Variants in FMO4 observed in about 807,000 individuals in gnomAD.
The protein encoded by FMO4 is dimethylaniline monooxygenase [N-oxide-forming] 4.
Under a neutral mutation model 43.3 loss-of-function variants are expected in FMO4, and 38 were observed. The ratio of observed to expected loss-of-function variants is 0.88; its 90% CI spans 0.68 to 1.15. The LOEUF (loss-of-function observed/expected upper bound fraction) is 1.15, where lower values mean the gene tolerates loss of function less well. Ranked by LOEUF, FMO4 falls within the 50% of genes most tolerant of loss-of-function variation. The pLI, the probability that FMO4 is intolerant of heterozygous loss-of-function variation, is 0.00. For synonymous variants in FMO4, 224 were observed against 232.2 expected (o/e 0.96, Z 0.32); for missense variants, 631 against 663.3 (o/e 0.95, Z 0.54).
In FMO4 at chr1:171,334,689, G is replaced by A. The variant is rs747190267; in HGVS notation, c.1106G>A (p.Gly369Asp). Residue 369 changes from glycine (G) to aspartate (D), a missense_variant, in exon 8 of 10, where the codon GGC becomes GAC. Coordinates refer to ENST00000367749, the MANE Select transcript of FMO4 (RefSeq NM_002022.3). ...NLERATLAII[G>D]LIGLKGSILS... ...GAGAGAGCGACATTAGCCATCATCG[G>A]CCTTATCGGCCTTAAAGGATCCATC... 2.5e-6 allele frequency: 4 copies of A among 1,612,554 alleles called. No homozygotes were observed. The East Asian group carries it at 8.9e-5, about 36-fold the overall frequency.
intron 2 of FMO4, 53 bp from the exon 3 acceptor site, chr1:171,319,765 C>G: frequency 6.4e-7 from 1 of 1,553,454 alleles, no homozygotes; most frequent in South Asian, 1.1e-5. Flanking sequence ...TTGACAAGGG[C>G]TCCCTTCCAA....
intron 9 of FMO4, among the ~76,000 whole-genome samples, chr1:171,340,233 G>A (rs1243535321): frequency 6.6e-6 from 1 of 152,168 alleles, no homozygotes; most frequent in Non-Finnish European, 1.5e-5. Flanking sequence ...AGGGCAAGTG[G>A]ATGGGAATTT....
intron 6 of FMO4, among the ~76,000 whole-genome samples, chr1:171,331,983 C>T (rs2101897869): frequency 6.6e-6 from 1 of 152,046 alleles, no homozygotes; most frequent in Admixed American, 6.5e-5. Flanking sequence ...CTTTACAGAA[C>T]TGAACTATCT....
chr1:171,320,700 A>T (rs1478951966), intron 3 of FMO4, among the ~76,000 whole-genome samples: 3 of 152,056 alleles, frequency 2.0e-5, no homozygotes, highest in African/African-American at 7.2e-5. Context: ...ATAAGGAGGT[A>T]TCAGAAGGTT....
At chr1:171,330,451 T>A (rs895720653) in intron 5 of FMO4, among the ~76,000 whole-genome samples, 1 of 152,190 alleles carries the variant, frequency 6.6e-6, no homozygotes, top group African/African-American at 2.4e-5. Flanking sequence ...CACCCAAGAC[T>A]GGGTAATTCA....
At chr1:171,338,968 A>G (rs997965126) in intron 9 of FMO4, among the ~76,000 whole-genome samples, 2 of 152,224 alleles carry the variant, frequency 1.3e-5, no homozygotes, top group Non-Finnish European at 2.9e-5. Context: ...GGACATCATG[A>G]AAGTTTACTG....
chr1:171,337,022 AATTAT>A (rs1194200422), intron 8 of FMO4, among the ~76,000 whole-genome samples: 1 of 151,836 alleles, frequency 6.6e-6, no homozygotes, highest in Non-Finnish European at 1.5e-5. Flanking sequence ...ATATAATATA[AATTAT>A]ATTATTTATA....
At chr1:171,321,571 G>T (rs922433524) in intron 3 of FMO4, among the ~76,000 whole-genome samples, 1 of 152,070 alleles carries the variant, frequency 6.6e-6, no homozygotes, top group Non-Finnish European at 1.5e-5. Flanking sequence ...ATATGTACAC[G>T]TTCAATACAT....
In FMO4 at chr1:171,319,886, T is replaced by C. The variant is rs60906481; in HGVS notation, c.61T>C (p.Cys21Arg). ...GVSGLSSIKCCVDEDLEPTCF... is the reference protein window; with the variant it reads ...GVSGLSSIKCRVDEDLEPTCF... ...GAGTGGCCTCTCCTCCATCAAATGCTGTGTGGATGAGGACCTGGAGCCCAC... is the reference window on the plus strand; with the variant it reads ...GAGTGGCCTCTCCTCCATCAAATGCCGTGTGGATGAGGACCTGGAGCCCAC... Residue 21 changes from cysteine to arginine, a missense_variant, in exon 3 of 10, where the codon TGT becomes CGT. Physicochemically the swap from Cys to Arg is radical, Grantham distance 180 (BLOSUM62 -3). Coordinates refer to ENST00000367749, the MANE Select transcript of FMO4 (RefSeq NM_002022.3). The C allele has an allele frequency of 1.3e-5, 21 of 1,613,714 alleles. No individual in the cohort carries two copies. Among genetic ancestry groups the C allele is most frequent in the Non-Finnish European group, 1.6e-5 (19 of 1,179,776 alleles).
chr1:171,326,495 A>G (rs1322647524), intron 5 of FMO4, among the ~76,000 whole-genome samples: 1 of 152,224 alleles, frequency 6.6e-6, no homozygotes, highest in African/African-American at 2.4e-5. Context: ...AACATTTCCA[A>G]GTTGCTTTGG....
At chr1:171,325,166 T>C (rs1202918501) in intron 5 of FMO4, among the ~76,000 whole-genome samples, 19 of 152,178 alleles carry the variant, frequency 1.2e-4, no homozygotes, top group Admixed American at 1.2e-3. Flanking sequence ...GGGCTATCCA[T>C]AGAAAGGAGT....
chr1:171,332,420 T>G (rs902068340), intron 6 of FMO4, among the ~76,000 whole-genome samples: 2 of 152,194 alleles, frequency 1.3e-5, no homozygotes, highest in Non-Finnish European at 2.9e-5. Context: ...TTTGCTTACA[T>G]GTAAAAAATT....
chr1:171,324,074 C>T, intron 4 of FMO4, 64 bp from the exon 5 acceptor site: 1 of 1,432,708 alleles, frequency 7.0e-7, no homozygotes, highest in Non-Finnish European at 9.4e-7. Context: ...ATGGTTACCA[C>T]ACCAGTCATT....
chr1:171,338,161 C>A (rs999005664), intron 9 of FMO4, among the ~76,000 whole-genome samples: 1 of 151,954 alleles, frequency 6.6e-6, no homozygotes, highest in Non-Finnish European at 1.5e-5. Flanking sequence ...CTTTTTTTCT[C>A]ACATCCCATA....
chr1:171,318,151 A>G (rs1662268976), intron 2 of FMO4, among the ~76,000 whole-genome samples: 2 of 151,974 alleles, frequency 1.3e-5, no homozygotes, highest in African/African-American at 4.8e-5. Flanking sequence ...CCCCATGTCT[A>G]CTAAAAAATA....
At chr1:171,318,388 C>A (rs1439517908) in intron 2 of FMO4, among the ~76,000 whole-genome samples, 1 of 151,882 alleles carries the variant, frequency 6.6e-6, no homozygotes, top group Non-Finnish European at 1.5e-5. Context: ...TGGTGGCTCA[C>A]TCCTGTAATA....
chr1:171,339,571 CCA>C (rs1280862236), intron 9 of FMO4, among the ~76,000 whole-genome samples: 1 of 152,094 alleles, frequency 6.6e-6, no homozygotes, highest in Non-Finnish European at 1.5e-5. Context: ...TCAGAGGGCA[CCA>C]CCAAAAACTT....
chr1:171,341,486 G>A lies in FMO4; in HGVS notation c.1324G>A (p.Gly442Ser), dbSNP rs1663369075. The change falls in exon 10 of 10, where the codon GGC becomes AGC. Residue 442 changes from glycine (G) to serine (S), a missense_variant. Gly to Ser is a moderately conservative substitution (Grantham distance 56). Coordinates refer to ENST00000367749, the MANE Select transcript of FMO4 (RefSeq NM_002022.3). ...CATGGATGATATCGCTGCCTGCATA[G>A]GCACAAAGCCCAGCATCCCACTTCT... is the stretch of plus-strand genomic sequence containing the variant. ...AYMDDIAACIGTKPSIPLLFL... is the reference protein window; with the variant it reads ...AYMDDIAACISTKPSIPLLFL... The A allele has an allele frequency of 3.7e-6, 6 of 1,613,964 alleles. No homozygotes were observed. Among genetic ancestry groups the A allele is most frequent in the Non-Finnish European group, 5.1e-6 (6 of 1,179,938 alleles).
chr1:171,332,842 G>A lies in FMO4; in HGVS notation c.761G>A (p.Trp254Ter). The change falls in exon 7 of 10, where the codon TGG becomes TAG. Residue 254 changes from tryptophan to a stop codon, truncating the protein, a stop_gained. Coordinates refer to ENST00000367749, the MANE Select transcript of FMO4 (RefSeq NM_002022.3). LOFTEE classifies it high-confidence loss of function. ...AQVLPSRFLN[W>*]IQERKLNKRF... ...GTTCTGCCTTCACGTTTTCTAAACT[G>A]GATTCAAGAAAGGAAGTTGAATAAG... The A allele has an allele frequency of 6.2e-7, 1 of 1,610,250 alleles. No individual in the cohort carries two copies. The highest frequency in any genetic ancestry group is 8.5e-7 in the Non-Finnish European group (1 of 1,176,640).
Sources: gnomAD v4.1 joint callset for allele counts (sites outside exome capture counted in the v4.1 genomes callset) on GRCh38, gnomAD v4.1.1 for gene constraint, MANE v1.5 for transcripts, NCBI Gene and HGNC (gene_info 2026-07-23, HGNC 2026-07-21) for gene names.